The following LYPLAL1 variants were observed in gnomAD, a reference collection of about 807,000 sequenced individuals.
The protein encoded by LYPLAL1 is lysophospholipase like 1, also known as lysophospholipase-like protein 1.
A neutral mutation model predicts 19.7 loss-of-function variants in LYPLAL1; 23 were observed. The ratio of observed to expected loss-of-function variants is 1.17; its 90% CI spans 0.84 to 1.65. The LOEUF (loss-of-function observed/expected upper bound fraction) is 1.65, where lower values mean the gene tolerates loss of function less well. Ranked by LOEUF, LYPLAL1 falls within the 40% of genes most tolerant of loss-of-function variation. The pLI is 0.00. For synonymous variants in LYPLAL1, 119 were observed against 96.3 expected (o/e 1.24, Z -1.38); for missense variants, 355 against 279.4 (o/e 1.27, Z -1.93).
chr1:219,333,783 C>T, the LYPLAL1 span, among the ~76,000 whole-genome samples: 1 of 152,034 alleles, frequency 6.6e-6, no homozygotes, highest in Non-Finnish European at 1.5e-5. Flanking sequence ...TGAATGGATT[C>T]TAGCTCTACT....
At chr1:219,317,415 T>C in the LYPLAL1 span, among the ~76,000 whole-genome samples, 8 of 152,188 alleles carry the variant, frequency 5.3e-5, no homozygotes, top group Non-Finnish European at 1.2e-4. Context: ...ATTTTTTTTC[T>C]CTTTCTCTTC....
intron 1 of LYPLAL1, 134 bp downstream of exon 1, chr1:219,174,115 C>A: frequency 6.8e-7 from 1 of 1,477,882 alleles, no homozygotes; most frequent in Non-Finnish European, 9.0e-7. Flanking sequence ...GTCGCCAGCC[C>A]CGGCTGTAGA....
At chr1:219,180,909 A>G (rs1422830920) in intron 2 of LYPLAL1, among the ~76,000 whole-genome samples, 1 of 152,200 alleles carries the variant, frequency 6.6e-6, no homozygotes, top group African/African-American at 2.4e-5. Context: ...TTAGTAAAAT[A>G]TGAAATCATT....
chr1:219,251,017 A>G, the LYPLAL1 span, among the ~76,000 whole-genome samples: 2 of 152,074 alleles, frequency 1.3e-5, no homozygotes, highest in Admixed American at 1.3e-4. Flanking sequence ...GTGAGATAGT[A>G]TCTCATTATG....
the LYPLAL1 span, among the ~76,000 whole-genome samples, chr1:219,436,524 G>A: frequency 4.6e-5 from 7 of 152,204 alleles, no homozygotes; most frequent in South Asian, 8.3e-4. Context: ...TGCCTGCCCG[G>A]AGCTTAGTCT....
the LYPLAL1 span, among the ~76,000 whole-genome samples, chr1:219,420,630 A>G: frequency 1.3e-5 from 2 of 152,170 alleles, no homozygotes; most frequent in African/African-American, 4.8e-5. Flanking sequence ...GACTTGTTTT[A>G]TAATTTGGTA....
the LYPLAL1 span, among the ~76,000 whole-genome samples, chr1:219,354,999 A>G: frequency 6.6e-6 from 1 of 152,234 alleles, no homozygotes; most frequent in Non-Finnish European, 1.5e-5. Context: ...AAATAGATGA[A>G]TATTTTCTTA....
At chr1:219,187,023 G>A (rs529528263) in intron 2 of LYPLAL1, among the ~76,000 whole-genome samples, 1 of 150,374 alleles carries the variant, frequency 6.7e-6, no homozygotes, top group East Asian at 2.0e-4. Context: ...TACCTACTTA[G>A]AGTTCTTTGT....
chr1:219,428,393 TTAAG>T, the LYPLAL1 span, among the ~76,000 whole-genome samples: 1 of 152,254 alleles, frequency 6.6e-6, no homozygotes, highest in African/African-American at 2.4e-5. Context: ...AGTAGCTACT[TTAAG>T]TAACACTTAT....
At chr1:219,318,249 C>T in the LYPLAL1 span, among the ~76,000 whole-genome samples, 1 of 152,110 alleles carries the variant, frequency 6.6e-6, no homozygotes, top group South Asian at 2.1e-4. Context: ...TTTTCCATCA[C>T]CTTGAGTGTT....
the LYPLAL1 span, among the ~76,000 whole-genome samples, chr1:219,324,616 A>G: frequency 6.6e-6 from 1 of 152,188 alleles, no homozygotes; most frequent in Non-Finnish European, 1.5e-5. Context: ...TAAGGAAGGA[A>G]GAAGGCTAAA....
chr1:219,238,475 AC>A, the LYPLAL1 span, among the ~76,000 whole-genome samples: 1 of 150,868 alleles, frequency 6.6e-6, no homozygotes, highest in Admixed American at 6.6e-5. Context: ...TTCTGTGATG[AC>A]CCCTTTGGAA....
chr1:219,443,084 G>GAAAA, the LYPLAL1 span, among the ~76,000 whole-genome samples: 1 of 143,056 alleles, frequency 7.0e-6, no homozygotes, highest in Non-Finnish European at 1.5e-5. Context: ...GTTTCTGCTG[G>GAAAA]AAAAAAAAAA....
At chr1:219,238,458 T>C in the LYPLAL1 span, among the ~76,000 whole-genome samples, 4 of 151,850 alleles carry the variant, frequency 2.6e-5, no homozygotes, top group Admixed American at 2.0e-4. Flanking sequence ...GCCTAAACTT[T>C]TAATGTTTCT....
intron 3 of LYPLAL1, among the ~76,000 whole-genome samples, chr1:219,203,709 C>G (rs1217064538): frequency 6.6e-6 from 1 of 152,078 alleles, no homozygotes; most frequent in Non-Finnish European, 1.5e-5. Context: ...ATCCCAAATC[C>G]TAGTATCATT....
intron 2 of LYPLAL1, among the ~76,000 whole-genome samples, chr1:219,188,367 G>C (rs1656888760): frequency 1.3e-5 from 2 of 151,830 alleles, no homozygotes; most frequent in African/African-American, 2.4e-5. Context: ...CCCCTGAGAA[G>C]GTGACACTTG....
the LYPLAL1 span, among the ~76,000 whole-genome samples, chr1:219,220,418 C>T: frequency 1.3e-5 from 2 of 150,684 alleles, no homozygotes; most frequent in East Asian, 3.9e-4. Context: ...GTACCATCTA[C>T]CATTAGGGAA....
At chr1:219,220,951 C>T in the LYPLAL1 span, among the ~76,000 whole-genome samples, 1 of 152,124 alleles carries the variant, frequency 6.6e-6, no homozygotes, top group African/African-American at 2.4e-5. Context: ...GCATTTACAA[C>T]CCCTAGGAGA....
chr1:219,269,123 T>G, the LYPLAL1 span, among the ~76,000 whole-genome samples: 1 of 152,152 alleles, frequency 6.6e-6, no homozygotes, highest in Non-Finnish European at 1.5e-5. Flanking sequence ...TATGCCCAAG[T>G]GTATATGAAT....
Sources: gnomAD v4.1 joint callset for allele counts (sites outside exome capture counted in the v4.1 genomes callset) on GRCh38, gnomAD v4.1.1 for gene constraint, MANE v1.5 for transcripts, NCBI Gene and HGNC (gene_info 2026-07-23, HGNC 2026-07-21) for gene names.